The following CSMD3 variants were observed in gnomAD, a reference collection of about 807,000 sequenced individuals.
CSMD3 encodes CUB and Sushi multiple domains 3, also known as CUB and sushi domain-containing protein 3.
CSMD3 carries 177 observed loss-of-function variants against 435.2 expected under a neutral mutation model. The observed-to-expected ratio is 0.41, with a 90% CI of 0.36 to 0.46. The LOEUF (loss-of-function observed/expected upper bound fraction) is 0.46. Among genes scored for constraint, CSMD3 ranks in the 20% least tolerant of loss-of-function variants. The probability of loss-of-function intolerance (pLI) is 0.34; values close to 1 mark genes in which losing one functional copy is unlikely to be tolerated. For missense variants in CSMD3, 4,265 were observed against 4,504.6 expected (o/e 0.95, Z 1.52); for synonymous variants, 1,656 against 1,520.5 (o/e 1.09, Z -2.07).
At chr8:113,408,783 G>A (rs2094544530) in intron 1 of CSMD3, among the ~76,000 whole-genome samples, 1 of 151,578 alleles carries the variant, frequency 6.6e-6, no homozygotes, top group African/African-American at 2.4e-5. Context: ...TTCTGTCTCA[G>A]CCTCCCGAGT....
chr8:112,376,087 G>A (rs967231142), intron 38 of CSMD3, among the ~76,000 whole-genome samples: 3 of 152,100 alleles, frequency 2.0e-5, no homozygotes, highest in Non-Finnish European at 4.4e-5. Flanking sequence ...CTCACCCCAA[G>A]TGTCACCTCC....
At chr8:112,645,564 A>G (rs957032503) in intron 19 of CSMD3, among the ~76,000 whole-genome samples, 1 of 130,506 alleles carries the variant, frequency 7.7e-6, no homozygotes, top group Non-Finnish European at 1.6e-5. Flanking sequence ...CACTAAGAAA[A>G]TGAATTAACT....
chr8:112,239,327 A>T, intron 66 of CSMD3, among the ~76,000 whole-genome samples: 1 of 152,062 alleles, frequency 6.6e-6, no homozygotes, highest in East Asian at 1.9e-4. Flanking sequence ...CGCATGGGTT[A>T]TCTTTACTAC....
chr8:112,960,939 T>C, intron 7 of CSMD3, among the ~76,000 whole-genome samples: 1 of 151,700 alleles, frequency 6.6e-6, no homozygotes, highest in Non-Finnish European at 1.5e-5. Flanking sequence ...AATCTTAAAC[T>C]CCTAATTATG....
At chr8:113,312,216 G>A (rs1329275930) in intron 2 of CSMD3, 2 of 151,812 alleles carry the variant, frequency 1.3e-5, no homozygotes, top group East Asian at 3.9e-4. Context: ...AATTTTACTC[G>A]GGCAATCAAT....
At chr8:113,239,498 TTATC>T (rs113240412) in intron 3 of CSMD3, among the ~76,000 whole-genome samples, 5,002 of 149,094 alleles carry the variant, frequency 0.034, 97 homozygotes, top group Non-Finnish European at 0.038. Context: ...GTATGTAGTT[TTATC>T]TATCTATCTA....
At chr8:112,746,941 T>A (rs530329836) in intron 13 of CSMD3, among the ~76,000 whole-genome samples, 4 of 152,126 alleles carry the variant, frequency 2.6e-5, no homozygotes, top group Admixed American at 6.6e-5. Context: ...AAAATTCATG[T>A]AGACATTCTA....
intron 32 of CSMD3, among the ~76,000 whole-genome samples, chr8:112,410,611 T>C (rs1832273562): frequency 2.7e-5 from 1 of 37,634 alleles, no homozygotes; most frequent in Non-Finnish European, 5.4e-5. Context: ...TGTGTATATA[T>C]ATATGTATAT....
intron 35 of CSMD3, among the ~76,000 whole-genome samples, chr8:112,404,076 G>A (rs1288823974): frequency 6.6e-6 from 1 of 151,934 alleles, no homozygotes; most frequent in Non-Finnish European, 1.5e-5. Context: ...GGGTGGGAGT[G>A]GCGATATCAA....
intron 9 of CSMD3, among the ~76,000 whole-genome samples, chr8:112,928,724 T>G (rs1302034243): frequency 2.0e-5 from 3 of 149,624 alleles, no homozygotes; most frequent in South Asian, 2.2e-4. Context: ...TCTTTGCTAT[T>G]GTGAATAATG....
At chr8:112,681,366 T>C (rs987235328) in intron 16 of CSMD3, among the ~76,000 whole-genome samples, 1 of 151,958 alleles carries the variant, frequency 6.6e-6, no homozygotes, top group African/African-American at 2.4e-5. Context: ...TATATCTTTA[T>C]AATAAAATAG....
intron 38 of CSMD3, among the ~76,000 whole-genome samples, chr8:112,364,543 C>T (rs941989781): frequency 8.6e-5 from 13 of 151,854 alleles, no homozygotes; most frequent in Non-Finnish European, 1.8e-4. Flanking sequence ...CTAGGATTTG[C>T]CATTAGTGAG....
chr8:112,791,729 T>C (rs969782914), intron 13 of CSMD3, among the ~76,000 whole-genome samples: 6 of 152,176 alleles, frequency 3.9e-5, no homozygotes, highest in African/African-American at 1.4e-4. Context: ...ATTGATTTCA[T>C]TTCTCTTGGG....
At chr8:113,071,533 G>A (rs565848128) in intron 5 of CSMD3, among the ~76,000 whole-genome samples, 2 of 151,908 alleles carry the variant, frequency 1.3e-5, no homozygotes, top group Admixed American at 1.3e-4. Flanking sequence ...TCTTCTTCGT[G>A]TAGATACATT....
chr8:112,308,431 A>G (rs1321537387), intron 50 of CSMD3, among the ~76,000 whole-genome samples: 1 of 152,102 alleles, frequency 6.6e-6, no homozygotes, highest in East Asian at 1.9e-4. Context: ...CTAAAAAGAG[A>G]CAACGTACCA....
At chr8:112,324,910 T>A (rs531204996) in intron 45 of CSMD3, among the ~76,000 whole-genome samples, 69 of 152,196 alleles carry the variant, frequency 4.5e-4, no homozygotes, top group Non-Finnish European at 5.4e-4. Context: ...AAACAATTGC[T>A]GATAGAGTCT....
chr8:113,010,880 GA>G lies in CSMD3; in HGVS notation c.1030+8186del, dbSNP rs553543678. 5.8e-4 allele frequency among the ~76,000 whole-genome samples: 88 copies of G among 151,392 alleles called. No homozygotes were observed. The East Asian group carries it at 0.017, about 29-fold the overall frequency. Reference sequence around the variant, plus strand: ...CTATGAAGATTAATCCAACTCCCTAGAAAAAAATTGTATAAGGGATTCTCTA... The same window carrying G: ...CTATGAAGATTAATCCAACTCCCTAGAAAAAATTGTATAAGGGATTCTCTA... On this transcript the variant is annotated intron_variant, in intron 6 of 70. Coordinates refer to ENST00000297405, the MANE Select transcript of CSMD3 (RefSeq NM_198123.2).
chr8:113,434,100 C>A (rs1801303075), intron 1 of CSMD3, among the ~76,000 whole-genome samples: 1 of 152,170 alleles, frequency 6.6e-6, no homozygotes, highest in Non-Finnish European at 1.5e-5. Flanking sequence ...CACTCCGAGG[C>A]GTTTCCTCCC....
At chr8:113,214,818 T>C (rs2132096980) in intron 3 of CSMD3, among the ~76,000 whole-genome samples, 1 of 151,950 alleles carries the variant, frequency 6.6e-6, no homozygotes, top group Admixed American at 6.6e-5. Flanking sequence ...ACCAAAATTA[T>C]AAAGATATCT....
Sources: gnomAD v4.1 joint callset for allele counts (sites outside exome capture counted in the v4.1 genomes callset) on GRCh38, gnomAD v4.1.1 for gene constraint, MANE v1.5 for transcripts, NCBI Gene and HGNC (gene_info 2026-07-23, HGNC 2026-07-21) for gene names.